The following ADGB variants were observed in gnomAD, a reference collection of about 807,000 sequenced individuals.
ADGB encodes androglobin.
In ADGB, 172 loss-of-function variants were observed where a neutral mutation model predicts 210.5. The ratio of observed to expected loss-of-function variants is 0.82; its 90% confidence interval spans 0.72 to 0.93. ADGB has a LOEUF of 0.93. Ranked by LOEUF, ADGB falls within the 40% of genes least tolerant of loss-of-function variation. The probability of loss-of-function intolerance (pLI) is 0.00; values close to 1 mark genes in which losing one functional copy is unlikely to be tolerated. For synonymous variants in ADGB, 658 were observed against 662.7 expected, an observed-to-expected ratio of 0.99 and a Z score of 0.11; for missense variants, 2,025 against 1,964.8, an observed-to-expected ratio of 1.03 and a Z score of -0.58.
At chr6:146,679,158 T>C (rs977180469) in intron 9 of ADGB, among the ~76,000 whole-genome samples, 2 of 152,194 alleles carry the variant, frequency 1.3e-5, no homozygotes, top group Admixed American at 6.5e-5. Context: ...GTTGGAAATA[T>C]GGAATGTGAC....
chr6:146,814,024 A>G (rs1778343824), intron 35 of ADGB, among the ~76,000 whole-genome samples: 1 of 152,098 alleles, frequency 6.6e-6, no homozygotes, highest in Non-Finnish European at 1.5e-5. Context: ...TCTCCTGCTC[A>G]TTCTCTTGCT....
chr6:146,686,922 A>G (rs187607986), intron 10 of ADGB, among the ~76,000 whole-genome samples: 30 of 152,268 alleles, frequency 2.0e-4, no homozygotes, highest in African/African-American at 7.2e-4. Context: ...AAATATTCCA[A>G]TTGAATGATT....
chr6:146,674,601 G>T (rs1441839154), intron 8 of ADGB, among the ~76,000 whole-genome samples: 1 of 152,260 alleles, frequency 6.6e-6, no homozygotes. Context: ...TCTACTTTTT[G>T]TTTATACACA....
At chr6:146,713,409 A>G (rs999684953) in intron 13 of ADGB, among the ~76,000 whole-genome samples, 2 of 141,074 alleles carry the variant, frequency 1.4e-5, no homozygotes, top group Admixed American at 1.3e-4. Flanking sequence ...ATTATTTTCT[A>G]TGTGTATTGT....
chr6:146,770,808 C>T (rs1777640003), intron 29 of ADGB, among the ~76,000 whole-genome samples: 1 of 152,166 alleles, frequency 6.6e-6, no homozygotes, highest in African/African-American at 2.4e-5. Flanking sequence ...CCAGAGCAGA[C>T]AATGGGGTGT....
chr6:146,779,206 A>C (rs1028266328), intron 29 of ADGB, among the ~76,000 whole-genome samples: 1 of 152,194 alleles, frequency 6.6e-6, no homozygotes, highest in Non-Finnish European at 1.5e-5. Context: ...GGAAGACTCC[A>C]CTTAAAAGCT....
chr6:146,720,832 A>C (rs1776801648), intron 16 of ADGB, among the ~76,000 whole-genome samples: 1 of 152,152 alleles, frequency 6.6e-6, no homozygotes, highest in South Asian at 2.1e-4. Context: ...CCCGTGATTC[A>C]ATCACCTCCC....
chr6:146,809,055 A>G lies in ADGB; in HGVS notation c.4819-5977A>G, dbSNP rs1316218741. On this transcript the variant is annotated intron_variant, in intron 35 of 35. Transcript: ENST00000397944. ...GTGGAGGTCAAAAGGGCAGGCGCAT[A>G]TCTACAGCTGTGACGGTTTAGCATT... 1.7e-4 allele frequency among the ~76,000 whole-genome samples: 3 copies of G among 17,648 alleles called. No individual in the cohort carries two copies. The African/African-American group carries it at 4.9e-3, about 29-fold the overall frequency. 11.6% of individuals were successfully genotyped at this position (17,648 alleles called of 152,430 possible). A position where few individuals can be genotyped will look rare whatever the true frequency, so the allele number is the denominator to read the frequency against.
chr6:146,651,365 G>A (rs757180719), intron 3 of ADGB, among the ~76,000 whole-genome samples: 1 of 152,188 alleles, frequency 6.6e-6, no homozygotes, highest in Non-Finnish European at 1.5e-5. Context: ...ACTCAAATTT[G>A]GCCGCTCACT....
chr6:146,655,334 C>T (rs1273243369), intron 4 of ADGB, among the ~76,000 whole-genome samples: 1 of 152,098 alleles, frequency 6.6e-6, no homozygotes, highest in African/African-American at 2.4e-5. Flanking sequence ...TTGGGGTGTA[C>T]TTGGATTACA....
chr6:146,803,438 C>CA, intron 35 of ADGB: 1 of 1,605,948 alleles, frequency 6.2e-7, no homozygotes, highest in Non-Finnish European at 8.5e-7. Flanking sequence ...CCCCACCTTC[C>CA]AGGGGGCTGT....
At chr6:146,658,427 AAGGTACGCAG>A (rs916054838) in intron 5 of ADGB, among the ~76,000 whole-genome samples, 3 of 152,110 alleles carry the variant, frequency 2.0e-5, no homozygotes, top group Non-Finnish European at 4.4e-5. Flanking sequence ...GTATAGAAAG[AAGGTACGCAG>A]AGGAAAAGCG....
intron 1 of ADGB, among the ~76,000 whole-genome samples, chr6:146,621,266 C>T (rs1052418388): frequency 6.6e-6 from 1 of 152,096 alleles, no homozygotes; most frequent in African/African-American, 2.4e-5. Context: ...ATCTGTGGCA[C>T]ATAAAAGAGA....
chr6:146,674,762 A>G (rs1227325103), intron 8 of ADGB, among the ~76,000 whole-genome samples: 1 of 152,182 alleles, frequency 6.6e-6, no homozygotes, highest in Non-Finnish European at 1.5e-5. Context: ...GTTTTGCCAG[A>G]TGGGTGGGAT....
At chr6:146,791,134 C>T (rs1198458184) in intron 33 of ADGB, among the ~76,000 whole-genome samples, 1 of 152,074 alleles carries the variant, frequency 6.6e-6, no homozygotes, top group Non-Finnish European at 1.5e-5. Flanking sequence ...TTATCTCAAC[C>T]CATGGTTGAC....
rs753514184 is a variant in ADGB, at chr6:146,685,739, T to G, written c.1222T>G (p.Ser408Ala). ...AATGTATGTTTGTTTTACAGGTTCT[T>G]CTGCAATACAGACCTCTCATATGGT... ...YSVQSLSDCS[S>A]AIQTSHMVVY... Residue 408 changes from serine to alanine, a missense_variant, in exon 10 of 36, where the codon TCT becomes GCT. Ser to Ala is a moderately conservative substitution (Grantham distance 99, BLOSUM62 1). Coordinates refer to ENST00000397944, the MANE Select transcript of ADGB (RefSeq NM_024694.4). The G allele has an allele frequency of 4.6e-5, 69 of 1,507,994 alleles. No homozygotes were observed. Among genetic ancestry groups the G allele is most frequent in the Admixed American group, 7.0e-5 (3 of 43,094 alleles). 93.4% of individuals were successfully genotyped at this position (1,507,994 alleles called of 1,614,324 possible).
At chr6:146,673,579 G>A (rs1776045168) in intron 8 of ADGB, among the ~76,000 whole-genome samples, 1 of 151,858 alleles carries the variant, frequency 6.6e-6, no homozygotes, top group Non-Finnish European at 1.5e-5. Context: ...AAAATAAAAA[G>A]CAATTCTCTA....
chr6:146,626,863 TC>T (rs1294379750), intron 1 of ADGB, among the ~76,000 whole-genome samples: 1 of 152,020 alleles, frequency 6.6e-6, no homozygotes, highest in African/African-American at 2.4e-5. Context: ...CTGTCTTTAA[TC>T]CCTTCTTGGT....
chr6:146,769,052 G>C lies in ADGB; in HGVS notation c.3783G>C (p.Leu1261Phe). 1 of 1,529,894 alleles carries C rather than the reference G, an allele frequency of 6.5e-7. No individual in the cohort carries two copies. Among genetic ancestry groups the C allele is most frequent in the Non-Finnish European group, 8.8e-7 (1 of 1,131,974 alleles). The allele number at this position is 1,529,894 out of a possible 1,614,324, so 94.8% of individuals were successfully genotyped here. A position where few individuals can be genotyped will look rare whatever the true frequency, so the allele number is the denominator to read the frequency against. ...NYKYIIQCSV[L>F]YNSWPLTESQ... ...AGTATATTATACAGTGTTCGGTGTT[G>C]TATAACAGTTGGCCTCTCACTGAAA... The change falls in exon 29 of 36, where the codon TTG (leucine) becomes TTC (phenylalanine). Residue 1261 changes from leucine (L) to phenylalanine (F), a missense_variant. Leu to Phe is a conservative substitution (Grantham distance 22). Coordinates refer to ENST00000397944, the MANE Select transcript of ADGB (RefSeq NM_024694.4).
Sources: gnomAD v4.1 joint callset for allele counts (sites outside exome capture counted in the v4.1 genomes callset) on GRCh38, gnomAD v4.1.1 for gene constraint, MANE v1.5 for transcripts, NCBI Gene and HGNC (gene_info 2026-07-23, HGNC 2026-07-21) for gene names.